AGMO: variants seen among roughly 807,000 people sequenced by gnomAD.
The protein encoded by AGMO is glyceryl-ether monooxygenase.
A neutral mutation model predicts 60.2 loss-of-function variants in AGMO; 75 were observed. The ratio of observed to expected loss-of-function variants is 1.25; its 90% CI spans 1.03 to 1.51. The LOEUF is 1.51. AGMO is among the 40% of genes most tolerant of loss of function. The pLI, the probability that AGMO is intolerant of heterozygous loss-of-function variation, is 0.00. For missense variants in AGMO, 763 were observed against 525.5 expected, an observed-to-expected ratio of 1.45 and a Z score of -4.42; for synonymous variants, 261 against 177.1, an observed-to-expected ratio of 1.47 and a Z score of -3.76.
At chr7:15,142,415 G>T in the AGMO span, among the ~76,000 whole-genome samples, 7 of 152,130 alleles carry the variant, frequency 4.6e-5, no homozygotes, top group Non-Finnish European at 7.3e-5. Flanking sequence ...AGGTTCTTCA[G>T]ATCTAGAAAG....
chr7:15,275,978 A>G (rs906601300), intron 12 of AGMO, among the ~76,000 whole-genome samples: 1 of 152,068 alleles, frequency 6.6e-6, no homozygotes, highest in South Asian at 2.1e-4. Context: ...TGTTTAGTCC[A>G]ATTTGCCACT....
intron 12 of AGMO, among the ~76,000 whole-genome samples, chr7:15,351,074 A>T (rs1282164430): frequency 6.6e-6 from 1 of 152,152 alleles, no homozygotes; most frequent in Non-Finnish European, 1.5e-5. Flanking sequence ...AAGTTATCAG[A>T]TGGCTAAGAA....
At chr7:15,406,398 T>G (rs1784692720) in intron 5 of AGMO, among the ~76,000 whole-genome samples, 2 of 139,614 alleles carry the variant, frequency 1.4e-5, no homozygotes, top group South Asian at 4.4e-4. Flanking sequence ...ATATATGTAT[T>G]CCATATGTGT....
At chr7:15,485,316 G>GA (rs996478841) in intron 3 of AGMO, among the ~76,000 whole-genome samples, 23 of 147,550 alleles carry the variant, frequency 1.6e-4, no homozygotes, top group African/African-American at 3.2e-4. Context: ...GATTCTGTTT[G>GA]AAAAAAAAAG....
At chr7:15,190,771 T>C in the AGMO span, among the ~76,000 whole-genome samples, 1 of 152,146 alleles carries the variant, frequency 6.6e-6, no homozygotes, top group Non-Finnish European at 1.5e-5. Flanking sequence ...AGAAGTAATT[T>C]GGATTAACTG....
At chr7:15,322,033 T>C (rs999128462) in intron 12 of AGMO, among the ~76,000 whole-genome samples, 2 of 151,968 alleles carry the variant, frequency 1.3e-5, no homozygotes, top group African/African-American at 4.8e-5. Flanking sequence ...CAGCTAAGAA[T>C]GGTGGCATGC....
intron 3 of AGMO, among the ~76,000 whole-genome samples, chr7:15,511,182 C>A (rs536278750): frequency 2.0e-5 from 3 of 152,224 alleles, no homozygotes; most frequent in African/African-American, 7.2e-5. Context: ...CAGCCTTGCA[C>A]AAGGTGCCAT....
At chr7:15,556,915 A>G (rs1785158886) in intron 2 of AGMO, among the ~76,000 whole-genome samples, 1 of 152,026 alleles carries the variant, frequency 6.6e-6, no homozygotes, top group Admixed American at 6.6e-5. Context: ...AGCAAAACAG[A>G]TGTAAGCCTG....
At chr7:15,437,764 TCTC>T (rs1171111288) in intron 3 of AGMO, among the ~76,000 whole-genome samples, 1 of 152,062 alleles carries the variant, frequency 6.6e-6, no homozygotes, top group Non-Finnish European at 1.5e-5. Context: ...ATGGTCTTGA[TCTC>T]CTGACCTCGT....
chr7:15,422,600 T>C (rs1045475116), intron 4 of AGMO, among the ~76,000 whole-genome samples: 1 of 152,196 alleles, frequency 6.6e-6, no homozygotes, highest in Non-Finnish European at 1.5e-5. Flanking sequence ...TTTAAATATG[T>C]TGAAGAGGCA....
intron 12 of AGMO, among the ~76,000 whole-genome samples, chr7:15,290,173 G>A (rs1356916676): frequency 5.3e-5 from 8 of 151,690 alleles, no homozygotes; most frequent in Non-Finnish European, 7.4e-5. Flanking sequence ...GGGATTAGAG[G>A]TATGCGCCAC....
chr7:15,280,304 G>T (rs1783925415), intron 12 of AGMO, among the ~76,000 whole-genome samples: 1 of 152,156 alleles, frequency 6.6e-6, no homozygotes, highest in Admixed American at 6.5e-5. Flanking sequence ...TGGAAGCTGG[G>T]TGGGGCTTAC....
At chr7:15,487,321 AG>A (rs1334229546) in intron 3 of AGMO, among the ~76,000 whole-genome samples, 1 of 152,164 alleles carries the variant, frequency 6.6e-6, no homozygotes, top group Non-Finnish European at 1.5e-5. Context: ...AAAAATAAGG[AG>A]GCCAAAAGCA....
intron 3 of AGMO, among the ~76,000 whole-genome samples, chr7:15,481,446 C>G (rs948399078): frequency 6.6e-6 from 1 of 151,822 alleles, no homozygotes; most frequent in African/African-American, 2.4e-5. Context: ...TAAAGCATTG[C>G]TAATAATAAA....
chr7:15,418,691 A>G (rs1475469666), intron 4 of AGMO, 38 bp from the exon 5 acceptor site: 9 of 1,259,844 alleles, frequency 7.1e-6, no homozygotes, highest in Non-Finnish European at 1.0e-5. Flanking sequence ...ATTTGCATAT[A>G]TGAATTCTCA....
intron 12 of AGMO, among the ~76,000 whole-genome samples, chr7:15,246,013 A>G (rs1179976425): frequency 2.6e-5 from 4 of 152,156 alleles, no homozygotes; most frequent in African/African-American, 4.8e-5. Context: ...TACCATGGAA[A>G]ATAAAAGCAT....
chr7:15,464,782 G>A (rs930001851), intron 3 of AGMO, among the ~76,000 whole-genome samples: 2 of 152,148 alleles, frequency 1.3e-5, no homozygotes, highest in African/African-American at 4.8e-5. Context: ...CACCAAGTCT[G>A]ACTAGAAAAG....
intron 12 of AGMO, among the ~76,000 whole-genome samples, chr7:15,246,344 C>T (rs1367233073): frequency 1.3e-5 from 2 of 151,960 alleles, no homozygotes; most frequent in Non-Finnish European, 2.9e-5. Context: ...AAAACAGTCT[C>T]CAAAAGATGT....
chr7:15,390,973 T>C, intron 6 of AGMO, 68 bp from the exon 7 acceptor site: 1 of 962,342 alleles, frequency 1.0e-6, no homozygotes, highest in Non-Finnish European at 1.5e-6. Context: ...ACTTCCATCT[T>C]GTTTTTTAGA....
Sources: allele counts gnomAD v4.1 joint callset (sites outside exome capture counted in the v4.1 genomes callset), GRCh38; gene constraint gnomAD v4.1.1; transcripts MANE v1.5; gene names NCBI Gene and HGNC (gene_info 2026-07-23, HGNC 2026-07-21).